Variants in TMEM30A observed in about 807,000 individuals in gnomAD.
TMEM30A encodes the protein cell division cycle 50 P4-ATPase accessory subunit A, also known as cell cycle control protein 50A.
Under a neutral mutation model 38.2 loss-of-function variants are expected in TMEM30A, and 24 were observed. The observed-to-expected ratio is 0.63, with a 90% CI of 0.46 to 0.88. TMEM30A has a LOEUF of 0.88. Ranked by LOEUF, TMEM30A falls within the 40% of genes least tolerant of loss-of-function variation. TMEM30A has a pLI of 0.00. For missense variants in TMEM30A, 370 were observed against 458.6 expected, an observed-to-expected ratio of 0.81 and a Z score of 1.77; for synonymous variants, 145 against 161.6, an observed-to-expected ratio of 0.90 and a Z score of 0.78.
chr6:75,275,195 C>G (rs1168679154), intron 1 of TMEM30A, among the ~76,000 whole-genome samples: 1 of 152,144 alleles, frequency 6.6e-6, no homozygotes. Flanking sequence ...TCCCCAGCCT[C>G]TAAACACTGG....
chr6:75,282,412 A>C (rs1452573882), intron 1 of TMEM30A, among the ~76,000 whole-genome samples: 1 of 152,232 alleles, frequency 6.6e-6, no homozygotes. Context: ...AAGAAAAGTT[A>C]AATATTTATT....
At chr6:75,278,327 C>A (rs937745100) in intron 1 of TMEM30A, among the ~76,000 whole-genome samples, 2 of 152,188 alleles carry the variant, frequency 1.3e-5, no homozygotes, top group Non-Finnish European at 1.5e-5. Flanking sequence ...TCTATTCTAT[C>A]TTTTTTTCAC....
At chr6:75,284,155 C>T (rs1772415152) in intron 1 of TMEM30A, 2 of 560,832 alleles carry the variant, frequency 3.6e-6, no homozygotes, top group Admixed American at 6.1e-5. Flanking sequence ...ACATTCATTC[C>T]GTCTCAGCTC....
At chr6:75,268,162 A>C (rs1772099649) in intron 1 of TMEM30A, among the ~76,000 whole-genome samples, 1 of 152,066 alleles carries the variant, frequency 6.6e-6, no homozygotes, top group Non-Finnish European at 1.5e-5. Context: ...TATACTTTTG[A>C]AAAAAATTAG....
chr6:75,269,859 T>C (rs1020312368), intron 1 of TMEM30A, among the ~76,000 whole-genome samples: 4 of 152,172 alleles, frequency 2.6e-5, no homozygotes, highest in African/African-American at 9.7e-5. Context: ...CATGCCCAGC[T>C]AATTTTTGTA....
intron 5 of TMEM30A, among the ~76,000 whole-genome samples, 172 bp downstream of exon 5, chr6:75,259,175 A>C (rs1446264035): frequency 6.6e-6 from 1 of 152,222 alleles, no homozygotes; most frequent in Admixed American, 6.5e-5. Flanking sequence ...AAAAGTATAC[A>C]TTTCCTTTAG....
Position 75,259,371 on chromosome 6 carries a change from C to G in TMEM30A, c.661G>C (p.Asp221His). 1 of 1,612,336 alleles carries G rather than the reference C, an allele frequency of 6.2e-7. No individual in the cohort carries two copies. The change falls in exon 5 of 7, where the codon GAC becomes CAC. Residue 221 changes from aspartate to histidine, a missense_variant. By Grantham distance (81) the Asp-to-His change is moderately conservative. Coordinates refer to ENST00000230461, the MANE Select transcript of TMEM30A (RefSeq NM_018247.4). Reference protein sequence around the residue: ...NVKFRNPPGGDNLEERFKGTT... With the variant: ...NVKFRNPPGGHNLEERFKGTT... The stretch of plus-strand genomic sequence containing the variant: ...CCTTTAAATCGTTCTTCCAGGTTGT[C>G]TCCTCCAGGGGGATTTCTGAATTTC...
intron 1 of TMEM30A, among the ~76,000 whole-genome samples, chr6:75,278,327 C>T (rs937745100): frequency 6.6e-6 from 1 of 152,188 alleles, no homozygotes; most frequent in Non-Finnish European, 1.5e-5. Flanking sequence ...TCTATTCTAT[C>T]TTTTTTTCAC....
At chr6:75,256,325 C>G in intron 6 of TMEM30A, 30 bp from the exon 7 acceptor site, 1 of 1,548,574 alleles carries the variant, frequency 6.5e-7, no homozygotes, top group Non-Finnish European at 8.8e-7. Context: ...ATTTTTCCAT[C>G]TCTGGTTACT....
chr6:75,256,095 T>C lies in TMEM30A; in HGVS notation c.*7A>G. 4 of 1,585,134 alleles carry C rather than the reference T, an allele frequency of 2.5e-6. No individual in the cohort carries two copies. Among genetic ancestry groups the C allele is most frequent in the Non-Finnish European group, 3.5e-6 (4 of 1,158,402 alleles). On this transcript the variant is annotated 3_prime_UTR_variant, in exon 7 of 7. Transcript: ENST00000230461. Reference sequence around the variant, plus strand: ...ACATGCAGATGATTTGCTTTCATAATATAAAATTAAATGGTAATGTCAGCT... The same window carrying C: ...ACATGCAGATGATTTGCTTTCATAACATAAAATTAAATGGTAATGTCAGCT...
At position 75,267,626 on chromosome 6, in the gene TMEM30A, C is replaced by T. The variant is rs765303870; in HGVS notation, c.345+15G>A. The T allele has an allele frequency of 1.3e-6, 2 of 1,574,598 alleles. No homozygotes were observed. The highest frequency in any genetic ancestry group is 2.3e-5 in the East Asian group (1 of 44,444). On this transcript the variant is annotated intron_variant, in intron 2 of 6. Transcript: ENST00000230461. ...AAAGCATGGCTTTTCTAGCACATTACTTGGAAACACAGACCTCAAATGACT... is the reference window on the plus strand; with the variant it reads ...AAAGCATGGCTTTTCTAGCACATTATTTGGAAACACAGACCTCAAATGACT...
At chr6:75,264,528 CG>C (rs1451774305) in intron 3 of TMEM30A, among the ~76,000 whole-genome samples, 22 of 151,956 alleles carry the variant, frequency 1.4e-4, no homozygotes, top group African/African-American at 4.8e-4. Context: ...CCCAGATACT[CG>C]GGAGACTGAG....
intron 1 of TMEM30A, among the ~76,000 whole-genome samples, chr6:75,271,663 G>A (rs1045874321): frequency 2.6e-5 from 4 of 152,114 alleles, no homozygotes; most frequent in African/African-American, 9.7e-5. Flanking sequence ...TATATAAAAA[G>A]AACACATTCA....
At position 75,284,503 on chromosome 6, in the gene TMEM30A, T is replaced by A; in HGVS notation, c.136A>T (p.Thr46Ser). 1 of 1,611,622 alleles carries A rather than the reference T, an allele frequency of 6.2e-7. No individual in the cohort carries two copies. The highest frequency in any genetic ancestry group is 8.5e-7 in the Non-Finnish European group (1 of 1,178,600). The change falls in exon 1 of 7, where the codon ACG (threonine) becomes TCG (serine). Residue 46 changes from threonine to serine, a missense_variant. Thr to Ser is a moderately conservative substitution (Grantham distance 58). Transcript: ENST00000230461. ...AAAATAGGTAGCACCGTGCCAGCCG[T>A]AAGGATGGGCTGCCAAGCTGGCAGC... ...QRLPAWQPIL[T>S]AGTVLPIFFI...
chr6:75,284,525 C>T lies in TMEM30A; in HGVS notation c.114G>A (p.Leu38=), dbSNP rs1772427138. Reference sequence around the variant, plus strand: ...CCGTAAGGATGGGCTGCCAAGCTGGCAGCCGTTGCTGTTTGAAGGCCGTGT... The same window carrying T: ...CCGTAAGGATGGGCTGCCAAGCTGGTAGCCGTTGCTGTTTGAAGGCCGTGT... ...PDNTAFKQQR[L]PAWQPILTAG... is the part of the protein sequence containing the mutation. Residue 38 remains leucine, a synonymous_variant, in exon 1 of 7, where the codon CTG becomes CTA. Transcript: ENST00000230461. The T allele has an allele frequency of 6.2e-7, 1 of 1,611,528 alleles. No homozygotes were observed. Among genetic ancestry groups the T allele is most frequent in the Non-Finnish European group, 8.5e-7 (1 of 1,178,448 alleles).
chr6:75,253,632 T>C lies in TMEM30A; in HGVS notation c.*2470A>G, dbSNP rs1582271087. 1 of 152,582 alleles carries C rather than the reference T, an allele frequency of 6.6e-6. No individual in the cohort carries two copies. The highest frequency in any genetic ancestry group is 1.9e-4 in the East Asian group (1 of 5,198). 9.5% of individuals were successfully genotyped at this position (152,582 alleles called of 1,614,324 possible). On this transcript the variant is annotated 3_prime_UTR_variant, in exon 7 of 7. Transcript: ENST00000230461. Reference sequence around the variant, plus strand: ...GCAAAATTAATTTTGTTCATTTTTATTAACATAGGACATACTAACCAAATA... The same window carrying C: ...GCAAAATTAATTTTGTTCATTTTTACTAACATAGGACATACTAACCAAATA...
At chr6:75,258,562 C>A (rs944940440) in intron 6 of TMEM30A, among the ~76,000 whole-genome samples, 3 of 152,148 alleles carry the variant, frequency 2.0e-5, no homozygotes, top group African/African-American at 7.2e-5. Context: ...TTTTACCAAA[C>A]AATATGCTTC....
At chr6:75,266,511 T>G (rs746444254) in intron 2 of TMEM30A, among the ~76,000 whole-genome samples, 3 of 152,198 alleles carry the variant, frequency 2.0e-5, no homozygotes, top group Non-Finnish European at 4.4e-5. Context: ...ATAACCTACT[T>G]GAAGTTCCCT....
At chr6:75,264,356 C>T (rs185013308) in intron 3 of TMEM30A, among the ~76,000 whole-genome samples, 56 of 152,294 alleles carry the variant, frequency 3.7e-4, no homozygotes, top group African/African-American at 1.3e-3. Flanking sequence ...ATACTTAGGG[C>T]CGGACACGGT....
Sources: gnomAD v4.1 joint callset for allele counts (sites outside exome capture counted in the v4.1 genomes callset) on GRCh38, gnomAD v4.1.1 for gene constraint, MANE v1.5 for transcripts, NCBI Gene and HGNC (gene_info 2026-07-23, HGNC 2026-07-21) for gene names.